CNTNAP2: variants seen among roughly 807,000 people sequenced by gnomAD.
CNTNAP2 encodes contactin associated protein 2, also known as contactin-associated protein-like 2.
Under a neutral mutation model 155.2 loss-of-function variants are expected in CNTNAP2, and 98 were observed. That is an observed-to-expected ratio of 0.63 (90% CI 0.54 to 0.75). CNTNAP2 has a LOEUF of 0.75. CNTNAP2 is among the 30% of genes least tolerant of loss of function. CNTNAP2 has a pLI of 0.00. For synonymous variants in CNTNAP2, 651 were observed against 631.2 expected (o/e 1.03, Z -0.47); for missense variants, 1,727 against 1,688.1 (o/e 1.02, Z -0.40).
intron 14 of CNTNAP2, among the ~76,000 whole-genome samples, chr7:147,936,033 G>A (rs549744837): frequency 1.0e-3 from 152 of 152,050 alleles, no homozygotes; most frequent in Non-Finnish European, 9.0e-4. Context: ...ACTTAAAAGT[G>A]TGCCTGTTTG....
At chr7:146,539,788 T>C (rs1262125426) in intron 1 of CNTNAP2, among the ~76,000 whole-genome samples, 1 of 152,132 alleles carries the variant, frequency 6.6e-6, no homozygotes, top group Non-Finnish European at 1.5e-5. Flanking sequence ...GTGTTCTCTT[T>C]TTCTTGCTTG....
chr7:147,120,112 T>C lies in CNTNAP2; in HGVS notation c.755-867T>C, dbSNP rs138011455. 2.1e-3 allele frequency among the ~76,000 whole-genome samples: 318 copies of C among 152,346 alleles called. 5 individuals are homozygous for C. Among genetic ancestry groups the C allele is most frequent in the African/African-American group, 7.0e-3 (292 of 41,586 alleles). Reference sequence around the variant, plus strand: ...TAAAAGATAACAAGTAAATTTTCTATGCCATTAACAATTGCATATTGTTCT... The same window carrying C: ...TAAAAGATAACAAGTAAATTTTCTACGCCATTAACAATTGCATATTGTTCT... On this transcript the variant is annotated intron_variant, in intron 5 of 23. Transcript: ENST00000361727.
intron 13 of CNTNAP2, among the ~76,000 whole-genome samples, chr7:147,668,046 G>A (rs918730224): frequency 2.6e-5 from 4 of 152,158 alleles, no homozygotes; most frequent in South Asian, 4.1e-4. Flanking sequence ...CAACTTGAAC[G>A]TGGGTGTGGA....
chr7:148,245,588 G>C (rs1422051881), intron 20 of CNTNAP2, among the ~76,000 whole-genome samples: 1 of 152,240 alleles, frequency 6.6e-6, no homozygotes, highest in Non-Finnish European at 1.5e-5. Flanking sequence ...CTCTCTGGAA[G>C]ATTGACGGAA....
chr7:148,361,890 C>T lies in CNTNAP2; in HGVS notation c.3476-21759C>T, dbSNP rs189457670. Among the ~76,000 whole-genome samples, 1,250 of 152,186 alleles carry T rather than the reference C, an allele frequency of 8.2e-3. 5 individuals carry two copies. Among genetic ancestry groups the T allele is most frequent in the Non-Finnish European group, 0.013 (912 of 67,986 alleles). ...GAGTGCCAGCAGGGGAAATGCCAGA[C>T]GCTTATAAAACCATCAGATCGGCCG... On this transcript the variant is annotated intron_variant, in intron 21 of 23. Transcript: ENST00000361727.
chr7:146,548,798 G>GTTTTTTTTTT (rs71165013), intron 1 of CNTNAP2, among the ~76,000 whole-genome samples: 1 of 123,718 alleles, frequency 8.1e-6, no homozygotes, highest in Non-Finnish European at 1.7e-5. Flanking sequence ...CATTCTCTAG[G>GTTTTTTTTTT]TTTTTTTTTT....
intron 13 of CNTNAP2, among the ~76,000 whole-genome samples, chr7:147,764,151 A>G (rs1041528286): frequency 6.6e-6 from 1 of 152,012 alleles, no homozygotes; most frequent in African/African-American, 2.4e-5. Flanking sequence ...TTTCTTAGGT[A>G]CTTGGTGTCT....
chr7:147,838,111 C>T (rs1798662595), intron 13 of CNTNAP2, among the ~76,000 whole-genome samples: 2 of 152,192 alleles, frequency 1.3e-5, no homozygotes, highest in African/African-American at 4.8e-5. Context: ...GGGGCTTGCA[C>T]CCTCTGAAAC....
intron 15 of CNTNAP2, among the ~76,000 whole-genome samples, chr7:148,033,281 T>C (rs1474758797): frequency 1.3e-5 from 2 of 152,092 alleles, no homozygotes; most frequent in African/African-American, 2.4e-5. Flanking sequence ...ATCTCTTTCC[T>C]GAAGACTTCC....
At chr7:146,644,515 A>T (rs1439573111) in intron 1 of CNTNAP2, among the ~76,000 whole-genome samples, 1 of 152,122 alleles carries the variant, frequency 6.6e-6, no homozygotes, top group Admixed American at 6.5e-5. Context: ...CCTCTTGATC[A>T]TGGTGGATAA....
chr7:146,601,179 A>C (rs1798944401), intron 1 of CNTNAP2, among the ~76,000 whole-genome samples: 1 of 152,112 alleles, frequency 6.6e-6, no homozygotes, highest in South Asian at 2.1e-4. Context: ...GCATAGATCT[A>C]GGTTGATAAT....
chr7:148,287,231 T>A (rs959887779), intron 21 of CNTNAP2, among the ~76,000 whole-genome samples: 1 of 152,238 alleles, frequency 6.6e-6, no homozygotes, highest in African/African-American at 2.4e-5. Context: ...CATCTAAGTT[T>A]CCTTCAGGTC....
chr7:147,923,018 A>G (rs559957824), intron 14 of CNTNAP2, among the ~76,000 whole-genome samples: 3 of 152,238 alleles, frequency 2.0e-5, no homozygotes, highest in South Asian at 2.1e-4. Context: ...AAATAGTACT[A>G]AAAAACCAAA....
intron 2 of CNTNAP2, among the ~76,000 whole-genome samples, chr7:146,804,923 C>A (rs906261883): frequency 2.0e-5 from 3 of 152,178 alleles, no homozygotes; most frequent in Admixed American, 2.0e-4. Flanking sequence ...TCCTCATTGT[C>A]CTCCTCTTAA....
chr7:146,714,183 C>T (rs1342988471), intron 1 of CNTNAP2, among the ~76,000 whole-genome samples: 1 of 152,162 alleles, frequency 6.6e-6, no homozygotes, highest in Non-Finnish European at 1.5e-5. Flanking sequence ...TATTCTGTCA[C>T]AGTCCTTTGT....
intron 13 of CNTNAP2, among the ~76,000 whole-genome samples, chr7:147,687,903 C>T (rs1796036649): frequency 6.8e-6 from 1 of 147,588 alleles, no homozygotes; most frequent in African/African-American, 2.4e-5. Flanking sequence ...TACAGTATAG[C>T]ATCTTCCATT....
rs568227936 is a variant in CNTNAP2 at position 147,441,813 on chromosome 7, T to TTCTCTCTCTCTCTCTCTC, written c.1671-44101_1671-44084dup. ...TTTCTTCCAACCAAATGTAGTCTCTTTCTCTCTCTCTCTCTCTCTCTCTCT... is the reference window on the plus strand; with the variant it reads ...TTTCTTCCAACCAAATGTAGTCTCTTTCTCTCTCTCTCTCTCTCTCTCTCTCTCTCTCTCTCTCTCTCT... On this transcript the variant is annotated intron_variant, in intron 10 of 23. Coordinates refer to ENST00000361727, the MANE Select transcript of CNTNAP2 (RefSeq NM_014141.6). Among the ~76,000 whole-genome samples the TTCTCTCTCTCTCTCTCTC allele has an allele frequency of 1.7e-3, 169 of 102,160 alleles. 6 individuals carry two copies. Among genetic ancestry groups the TTCTCTCTCTCTCTCTCTC allele is most frequent in the Admixed American group, 5.8e-3 (46 of 7,920 alleles). 67.0% of individuals were successfully genotyped at this position (102,160 alleles called of 152,430 possible).
At chr7:146,437,839 G>A (rs549956974) in intron 1 of CNTNAP2, among the ~76,000 whole-genome samples, 1 of 150,808 alleles carries the variant, frequency 6.6e-6, no homozygotes, top group African/African-American at 2.5e-5. Flanking sequence ...AGTGGATTTT[G>A]GACTAAGACA....
intron 3 of CNTNAP2, among the ~76,000 whole-genome samples, chr7:146,987,633 G>GAAGACA (rs1798136450): frequency 1.3e-5 from 2 of 152,092 alleles, no homozygotes; most frequent in Admixed American, 1.3e-4. Flanking sequence ...AGACAGCTGT[G>GAAGACA]TAGTATAGTT....
Sources: allele counts gnomAD v4.1 joint callset (sites outside exome capture counted in the v4.1 genomes callset), GRCh38; gene constraint gnomAD v4.1.1; transcripts MANE v1.5; gene names NCBI Gene and HGNC (gene_info 2026-07-23, HGNC 2026-07-21).